Variants in TRAPPC11 observed in about 807,000 individuals in gnomAD.
TRAPPC11 encodes the protein trafficking protein particle complex subunit 11.
TRAPPC11 carries 104 observed loss-of-function variants against 151.2 expected under a neutral mutation model. That is an observed-to-expected ratio of 0.69 (90% confidence interval 0.59 to 0.81). TRAPPC11 has a LOEUF of 0.81. Among genes scored for constraint, TRAPPC11 ranks in the 30% least tolerant of loss-of-function variants. The pLI, the probability that TRAPPC11 is intolerant of heterozygous loss-of-function variation, is 0.00. For missense variants in TRAPPC11, 1,230 were observed against 1,349.6 expected, an observed-to-expected ratio of 0.91 and a Z score of 1.39; for synonymous variants, 456 against 472.3, an observed-to-expected ratio of 0.97 and a Z score of 0.45.
intron 11 of TRAPPC11, 103 bp from the exon 12 acceptor site, chr4:183,683,872 A>T: frequency 1.1e-6 from 1 of 915,878 alleles, no homozygotes; most frequent in Non-Finnish European, 1.7e-6. Context: ...GTCTGAAATG[A>T]TTATATTAAA....
At chr4:183,703,004 G>A (rs1385098021) in intron 26 of TRAPPC11, among the ~76,000 whole-genome samples, 1 of 152,088 alleles carries the variant, frequency 6.6e-6, no homozygotes, top group Admixed American at 6.5e-5. Context: ...ACCAGTAACT[G>A]GAGGAAATTC....
At chr4:183,701,898 T>G (rs1736820526) in intron 26 of TRAPPC11, 90 bp downstream of exon 26, 1 of 912,394 alleles carries the variant, frequency 1.1e-6, no homozygotes, top group Non-Finnish European at 1.8e-6. Context: ...TATTTGAGAG[T>G]TTCTGTCATT....
intron 28 of TRAPPC11, 49 bp downstream of exon 28, chr4:183,706,989 GA>G (rs765573337): frequency 1.3e-6 from 2 of 1,598,676 alleles, no homozygotes; most frequent in Non-Finnish European, 1.7e-6. Flanking sequence ...AGTGTGCCAG[GA>G]AACGGAGAGC....
chr4:183,665,250 A>G (rs548438621), intron 2 of TRAPPC11, among the ~76,000 whole-genome samples: 24 of 151,842 alleles, frequency 1.6e-4, no homozygotes, highest in South Asian at 6.2e-4. Context: ...GCCCGCCACC[A>G]CGTCCAGCTA....
chr4:183,698,078 C>T (rs1393169843), intron 25 of TRAPPC11, among the ~76,000 whole-genome samples: 4 of 152,072 alleles, frequency 2.6e-5, no homozygotes, highest in Admixed American at 2.0e-4. Context: ...GGGAGTTATA[C>T]TTTGAAAATG....
chr4:183,666,226 G>A, intron 2 of TRAPPC11, 31 bp from the exon 3 acceptor site: 1 of 1,598,714 alleles, frequency 6.3e-7, no homozygotes, highest in Non-Finnish European at 8.5e-7. Context: ...CTCCTGTCAG[G>A]TAACTTTTCA....
At chr4:183,673,752 A>G (rs2111327458) in intron 5 of TRAPPC11, among the ~76,000 whole-genome samples, 1 of 152,380 alleles carries the variant, frequency 6.6e-6, no homozygotes, top group Non-Finnish European at 1.5e-5. Flanking sequence ...AATATAAAAT[A>G]TAATAGCTGA....
intron 18 of TRAPPC11, 80 bp from the exon 19 acceptor site, chr4:183,691,236 T>C (rs1736242218): frequency 8.8e-6 from 10 of 1,142,504 alleles, no homozygotes; most frequent in Non-Finnish European, 1.2e-5. Flanking sequence ...TGTGGAGTTA[T>C]ACTAAATGAG....
At chr4:183,680,328 C>A in intron 10 of TRAPPC11, 61 bp downstream of exon 10, 2 of 1,505,534 alleles carry the variant, frequency 1.3e-6, no homozygotes, top group Admixed American at 4.4e-5. Context: ...TTGAAAGAAG[C>A]TAGAACTGAT....
Position 183,712,926 on chromosome 4 carries a change from G to A in TRAPPC11, c.*282G>A. 2.5e-6 allele frequency: 1 copy of A among 397,906 alleles called. No homozygotes were observed. 24.6% of individuals were successfully genotyped at this position (397,906 alleles called of 1,614,324 possible). A position where few individuals can be genotyped will look rare whatever the true frequency, so the allele number is the denominator to read the frequency against. On this transcript the variant is annotated 3_prime_UTR_variant, in exon 30 of 30. Transcript: ENST00000334690. Reference sequence around the variant, plus strand: ...TGATGAATGGTAAATTCTATGAAAAGTAAGTGATTTGCATGTATAATATCA... The same window carrying A: ...TGATGAATGGTAAATTCTATGAAAAATAAGTGATTTGCATGTATAATATCA...
At chr4:183,684,263 A>G in intron 13 of TRAPPC11, 40 bp downstream of exon 13, 1 of 1,611,246 alleles carries the variant, frequency 6.2e-7, no homozygotes, top group Non-Finnish European at 8.5e-7. Flanking sequence ...GCAACTTTGA[A>G]TGACTTTAAG....
Position 183,708,551 on chromosome 4 carries a change from A to T in TRAPPC11, c.3334A>T (p.Ile1112Leu). Reference protein sequence around the residue: ...NFTNQLLRRFIPTSIFVKPQG... With the variant: ...NFTNQLLRRFLPTSIFVKPQG... Reference sequence around the variant, plus strand: ...CACAAATCAGCTGCTCAGGCGTTTTATACCTACCAGTATTTTTGTCAAGGT... The same window carrying T: ...CACAAATCAGCTGCTCAGGCGTTTTTTACCTACCAGTATTTTTGTCAAGGT... The change falls in exon 29 of 30, where the codon ATA becomes TTA. Residue 1112 changes from isoleucine to leucine, a missense_variant. Transcript: ENST00000334690. 1 of 1,614,016 alleles carries T rather than the reference A, an allele frequency of 6.2e-7. No homozygotes were observed. The highest frequency in any genetic ancestry group is 1.1e-5 in the South Asian group (1 of 91,030).
intron 9 of TRAPPC11, 65 bp from the exon 10 acceptor site, chr4:183,680,055 A>T (rs1735598130): frequency 7.0e-7 from 1 of 1,431,158 alleles, no homozygotes; most frequent in Admixed American, 2.0e-5. Context: ...CCCAGGATGA[A>T]TTACCAGAAA....
intron 15 of TRAPPC11, 81 bp downstream of exon 15, chr4:183,684,922 A>C: frequency 1.4e-6 from 2 of 1,396,184 alleles, no homozygotes; most frequent in Non-Finnish European, 2.0e-6. Flanking sequence ...TTAAAGAATA[A>C]TTTAGTCCCA....
chr4:183,674,942 T>G (rs1043576703), intron 6 of TRAPPC11, 130 bp downstream of exon 6: 10 of 624,688 alleles, frequency 1.6e-5, no homozygotes, highest in Middle Eastern at 4.5e-4. Flanking sequence ...TTTTCAATGC[T>G]TTTAAAAATT....
intron 16 of TRAPPC11, 23 bp downstream of exon 16, chr4:183,685,168 G>T (rs748020521): frequency 5.6e-6 from 9 of 1,612,712 alleles, no homozygotes; most frequent in Middle Eastern, 1.7e-4. Context: ...TGTTTATATA[G>T]AGTGTGTTAT....
intron 4 of TRAPPC11, 70 bp from the exon 5 acceptor site, chr4:183,667,933 G>C: frequency 9.4e-7 from 1 of 1,063,172 alleles, no homozygotes; most frequent in African/African-American, 1.6e-5. Context: ...TCAGACTTGG[G>C]GAAATATTTA....
rs1436181417 is a variant in TRAPPC11 at position 183,704,768 on chromosome 4, G to A, written c.2964-211G>A. Among the ~76,000 whole-genome samples the A allele has an allele frequency of 6.6e-5, 10 of 152,136 alleles. No individual in the cohort carries two copies. The South Asian group carries it at 1.2e-3, about 19-fold the overall frequency. Reference sequence around the variant, plus strand: ...GCAGAGCTTGCAGTGAGCCGAGATCGCGCCACTGCACTCCAGTCTGGGCAA... The same window carrying A: ...GCAGAGCTTGCAGTGAGCCGAGATCACGCCACTGCACTCCAGTCTGGGCAA... On this transcript the variant is annotated intron_variant, in intron 26 of 29. Transcript: ENST00000334690.
At chr4:183,703,272 TTATG>T (rs1356786954) in intron 26 of TRAPPC11, among the ~76,000 whole-genome samples, 2 of 152,162 alleles carry the variant, frequency 1.3e-5, no homozygotes, top group African/African-American at 4.8e-5. Flanking sequence ...AACAGCTTAT[TTATG>T]TGAGTTATAT....
Sources: gnomAD v4.1 joint callset for allele counts (sites outside exome capture counted in the v4.1 genomes callset) on GRCh38, gnomAD v4.1.1 for gene constraint, MANE v1.5 for transcripts, NCBI Gene and HGNC (gene_info 2026-07-23, HGNC 2026-07-21) for gene names.